The following SPTLC2 variants were observed in gnomAD, a reference collection of about 807,000 sequenced individuals.
SPTLC2 encodes the protein serine palmitoyltransferase long chain base subunit 2, also known as serine palmitoyltransferase 2.
A neutral mutation model predicts 62.0 loss-of-function variants in SPTLC2; 21 were observed. That is an observed-to-expected ratio of 0.34 (90% CI 0.24 to 0.49). The LOEUF (loss-of-function observed/expected upper bound fraction) is 0.49, where lower values mean the gene tolerates loss of function less well. SPTLC2 is among the 20% of genes least tolerant of loss of function. The pLI, the probability that SPTLC2 is intolerant of heterozygous loss-of-function variation, is 0.99. For synonymous variants in SPTLC2, 261 were observed against 261.8 expected, an observed-to-expected ratio of 1.00 and a Z score of 0.03; for missense variants, 511 against 713.0, an observed-to-expected ratio of 0.72 and a Z score of 3.23.
chr14:77,568,388 T>C (rs928807905), intron 5 of SPTLC2, among the ~76,000 whole-genome samples: 1 of 152,232 alleles, frequency 6.6e-6, no homozygotes, highest in African/African-American at 2.4e-5. Context: ...TGGTCTTTGG[T>C]AGTAAATGTT....
At chr14:77,610,720 A>C (rs1027921231) in intron 1 of SPTLC2, among the ~76,000 whole-genome samples, 1 of 151,862 alleles carries the variant, frequency 6.6e-6, no homozygotes, top group African/African-American at 2.4e-5. Flanking sequence ...GGTAGGCTGA[A>C]GCAGGAGGAT....
chr14:77,537,894 C>T (rs1300547461), intron 9 of SPTLC2, among the ~76,000 whole-genome samples: 1 of 152,068 alleles, frequency 6.6e-6, no homozygotes, highest in Non-Finnish European at 1.5e-5. Context: ...ATGTATTCTT[C>T]TCTTAAAATC....
chr14:77,586,830 G>A (rs1339515748), intron 2 of SPTLC2, among the ~76,000 whole-genome samples: 1 of 152,158 alleles, frequency 6.6e-6, no homozygotes, highest in Non-Finnish European at 1.5e-5. Flanking sequence ...GGGCAATAGA[G>A]AATTGCAAAT....
chr14:77,517,156 T>A (rs184363185), intron 11 of SPTLC2, among the ~76,000 whole-genome samples: 1 of 152,100 alleles, frequency 6.6e-6, no homozygotes, highest in African/African-American at 2.4e-5. Context: ...TGAGGCAGAA[T>A]TGCTTGAACC....
chr14:77,548,396 C>G (rs1292492595), intron 9 of SPTLC2, among the ~76,000 whole-genome samples: 4 of 152,142 alleles, frequency 2.6e-5, no homozygotes, highest in Admixed American at 6.6e-5. Context: ...TAAAATACAT[C>G]AAAGCACAGC....
intron 5 of SPTLC2, among the ~76,000 whole-genome samples, chr14:77,562,869 T>G (rs1187716183): frequency 6.6e-6 from 1 of 152,200 alleles, no homozygotes; most frequent in Non-Finnish European, 1.5e-5. Context: ...CTGTGGGAAA[T>G]GGCAGCTGAT....
intron 11 of SPTLC2, among the ~76,000 whole-genome samples, chr14:77,513,264 CCT>C (rs200819854): frequency 0.012 from 1,828 of 152,218 alleles, 9 homozygotes; most frequent in Non-Finnish European, 0.018. Flanking sequence ...TACCCACCCA[CCT>C]CTGCCTCCCA....
chr14:77,521,718 C>T (rs1019057308), intron 9 of SPTLC2, 137 bp from the exon 10 acceptor site: 2 of 768,536 alleles, frequency 2.6e-6, no homozygotes, highest in East Asian at 2.7e-5. Context: ...AAATATTTTA[C>T]AGAGTAAACC....
intron 5 of SPTLC2, among the ~76,000 whole-genome samples, chr14:77,564,740 C>T (rs2079635385): frequency 6.6e-6 from 1 of 151,726 alleles, no homozygotes; most frequent in African/African-American, 2.4e-5. Flanking sequence ...ACACAGGTAC[C>T]CACCTGAAGC....
intron 4 of SPTLC2, 108 bp downstream of exon 4, chr14:77,576,659 A>C: frequency 6.8e-7 from 1 of 1,464,372 alleles, no homozygotes; most frequent in Non-Finnish European, 9.5e-7. Context: ...TATCTAAATG[A>C]CATGACAAAG....
chr14:77,515,051 T>C (rs932645084), intron 11 of SPTLC2, among the ~76,000 whole-genome samples: 2 of 152,252 alleles, frequency 1.3e-5, no homozygotes, highest in African/African-American at 4.8e-5. Context: ...CTTGGCTCCC[T>C]TGTTGAAAAC....
At chr14:77,552,050 G>A in intron 9 of SPTLC2, 46 bp downstream of exon 9, 1 of 1,610,644 alleles carries the variant, frequency 6.2e-7, no homozygotes, top group East Asian at 2.2e-5. Context: ...AGCACGTTTG[G>A]CTGCTAGGTG....
intron 9 of SPTLC2, among the ~76,000 whole-genome samples, chr14:77,525,852 T>G (rs1175338138): frequency 6.6e-6 from 1 of 152,130 alleles, no homozygotes; most frequent in Non-Finnish European, 1.5e-5. Context: ...AGGCGGAGCT[T>G]GCAGTGAGCC....
chr14:77,613,191 A>C, intron 1 of SPTLC2, among the ~76,000 whole-genome samples: 1 of 152,278 alleles, frequency 6.6e-6, no homozygotes, highest in East Asian at 1.9e-4. Flanking sequence ...TTTGCTATAG[A>C]GAAAAACTTG....
In SPTLC2 at chr14:77,597,307, A is replaced by G. The variant is rs762166567; in HGVS notation, c.206T>C (p.Leu69Pro). ...FNEAFEETPM[L>P]VAVLTYVGYG... is the part of the protein sequence containing the mutation. ...CCCCACATACGTGAGCACAGCAACC[A>G]GCATTGGTGTTTCTTCAAAAGCTTC... Residue 69 changes from leucine (L) to proline (P), a missense_variant, in exon 2 of 12, where the codon CTG becomes CCG. By Grantham distance (98) the Leu-to-Pro change is moderately conservative. Transcript: ENST00000216484. 3.1e-6 allele frequency: 5 copies of G among 1,614,212 alleles called. No individual in the cohort carries two copies. The highest frequency in any genetic ancestry group is 3.4e-6 in the Non-Finnish European group (4 of 1,180,026).
At chr14:77,528,269 T>A (rs1477168333) in intron 9 of SPTLC2, among the ~76,000 whole-genome samples, 1 of 152,166 alleles carries the variant, frequency 6.6e-6, no homozygotes, top group African/African-American at 2.4e-5. Flanking sequence ...TTCACTCTTG[T>A]TGCCCAGGCA....
intron 1 of SPTLC2, among the ~76,000 whole-genome samples, chr14:77,600,137 G>A (rs2079869408): frequency 6.6e-6 from 1 of 152,192 alleles, no homozygotes; most frequent in African/African-American, 2.4e-5. Context: ...CACACAGGCA[G>A]GATCAGGTCA....
intron 4 of SPTLC2, among the ~76,000 whole-genome samples, chr14:77,576,295 A>G (rs1178591117): frequency 1.3e-5 from 2 of 152,234 alleles, no homozygotes; most frequent in Non-Finnish European, 2.9e-5. Flanking sequence ...AAACAATAAT[A>G]AAAAGAGTTT....
intron 1 of SPTLC2, among the ~76,000 whole-genome samples, chr14:77,611,076 A>G (rs1312967222): frequency 6.8e-6 from 1 of 147,408 alleles, no homozygotes; most frequent in Non-Finnish European, 1.5e-5. Flanking sequence ...GGCGGATTAC[A>G]AGGTCAGGAG....
Sources: allele counts gnomAD v4.1 joint callset (sites outside exome capture counted in the v4.1 genomes callset), GRCh38; gene constraint gnomAD v4.1.1; transcripts MANE v1.5; gene names NCBI Gene and HGNC (gene_info 2026-07-23, HGNC 2026-07-21).